ATRNL1: variants seen among roughly 807,000 people sequenced by gnomAD.
ATRNL1 encodes attractin like 1, also known as attractin-like protein 1.
In ATRNL1, 95 loss-of-function variants were observed where a neutral mutation model predicts 182.7. The ratio of observed to expected loss-of-function variants is 0.52; its 90% CI spans 0.44 to 0.62. The LOEUF is 0.62. Among genes scored for constraint, ATRNL1 ranks in the 20% least tolerant of loss-of-function variants. The pLI is 0.00. For synonymous variants in ATRNL1, 576 were observed against 568.3 expected, an observed-to-expected ratio of 1.01 and a Z score of -0.19; for missense variants, 1,471 against 1,679.5, an observed-to-expected ratio of 0.88 and a Z score of 2.17.
intron 27 of ATRNL1, among the ~76,000 whole-genome samples, chr10:115,837,379 C>T (rs1950699338): frequency 6.6e-6 from 1 of 151,120 alleles, no homozygotes; most frequent in Admixed American, 6.6e-5. Flanking sequence ...CTCATTTTTC[C>T]CTCTTACCTG....
chr10:115,667,770 C>T (rs1286114987), intron 26 of ATRNL1, among the ~76,000 whole-genome samples: 1 of 151,896 alleles, frequency 6.6e-6, no homozygotes, highest in Non-Finnish European at 1.5e-5. Context: ...GATCCTCCTA[C>T]CTTAGCCTCC....
intron 27 of ATRNL1, among the ~76,000 whole-genome samples, chr10:115,781,455 A>G (rs2420114): frequency 0.17 from 26,183 of 152,250 alleles, 2,479 homozygotes; most frequent in Non-Finnish European, 0.21. Flanking sequence ...GATTAAGATA[A>G]ATACATTTTA....
At chr10:115,317,590 C>G (rs1242544861) in intron 18 of ATRNL1, among the ~76,000 whole-genome samples, 1 of 152,078 alleles carries the variant, frequency 6.6e-6, no homozygotes, top group African/African-American at 2.4e-5. Flanking sequence ...CTTTGTAGTT[C>G]TCCTTGAAGA....
intron 21 of ATRNL1, among the ~76,000 whole-genome samples, chr10:115,460,059 G>C (rs1396876123): frequency 6.6e-6 from 1 of 151,958 alleles, no homozygotes; most frequent in Non-Finnish European, 1.5e-5. Flanking sequence ...CTAAATTCTG[G>C]GTTTCTTTTT....
intron 19 of ATRNL1, among the ~76,000 whole-genome samples, chr10:115,388,394 T>A (rs1407448606): frequency 1.3e-5 from 2 of 152,186 alleles, no homozygotes; most frequent in Admixed American, 6.5e-5. Flanking sequence ...CTTTGTCATA[T>A]TTAATGCTTT....
chr10:115,747,773 T>G (rs1191405010), intron 27 of ATRNL1, among the ~76,000 whole-genome samples: 2 of 152,040 alleles, frequency 1.3e-5, no homozygotes, highest in Non-Finnish European at 2.9e-5. Context: ...AGAAATTTAT[T>G]TCTTACAATT....
intron 19 of ATRNL1, 26 bp downstream of exon 19, chr10:115,334,445 G>A (rs782735221): frequency 2.0e-6 from 3 of 1,495,602 alleles, no homozygotes; most frequent in Admixed American, 4.0e-5. Context: ...GCAAATTTTG[G>A]TGTATTTTTA....
chr10:115,149,988 G>A (rs1458538526), intron 5 of ATRNL1, among the ~76,000 whole-genome samples: 2 of 151,512 alleles, frequency 1.3e-5, no homozygotes, highest in African/African-American at 4.8e-5. Flanking sequence ...CCTTTGTTGG[G>A]AGACTTTTTA....
At chr10:115,824,849 G>C (rs1459732132) in intron 27 of ATRNL1, among the ~76,000 whole-genome samples, 2 of 152,120 alleles carry the variant, frequency 1.3e-5, no homozygotes, top group African/African-American at 4.8e-5. Context: ...AGACAGTGTG[G>C]TGATTCCTCA....
chr10:115,808,655 A>G (rs1555086196), intron 27 of ATRNL1, among the ~76,000 whole-genome samples: 1 of 152,160 alleles, frequency 6.6e-6, no homozygotes, highest in Non-Finnish European at 1.5e-5. Context: ...GCAATGTGCA[A>G]AATTTTCAGT....
At chr10:115,732,825 G>C (rs1394316876) in intron 27 of ATRNL1, among the ~76,000 whole-genome samples, 2 of 152,084 alleles carry the variant, frequency 1.3e-5, no homozygotes, top group Non-Finnish European at 2.9e-5. Flanking sequence ...AAGGAATAGA[G>C]TTACTTAAAG....
At chr10:115,489,636 G>C (rs1199798168) in intron 24 of ATRNL1, among the ~76,000 whole-genome samples, 1 of 152,042 alleles carries the variant, frequency 6.6e-6, no homozygotes, top group Admixed American at 6.6e-5. Flanking sequence ...ACATGAGATG[G>C]GTCTCCTGAA....
intron 26 of ATRNL1, among the ~76,000 whole-genome samples, chr10:115,646,068 C>CACAA (rs1354940128): frequency 6.6e-6 from 1 of 150,874 alleles, no homozygotes; most frequent in African/African-American, 2.5e-5. Context: ...CACACACACA[C>CACAA]AAACATATAT....
intron 28 of ATRNL1, among the ~76,000 whole-genome samples, chr10:115,857,637 A>G (rs1951218071): frequency 6.6e-6 from 1 of 152,248 alleles, no homozygotes; most frequent in Non-Finnish European, 1.5e-5. Flanking sequence ...ACTTTTAAAT[A>G]TATCTTTCCG....
chr10:115,409,386 G>A (rs577649591), intron 20 of ATRNL1, among the ~76,000 whole-genome samples: 26 of 152,164 alleles, frequency 1.7e-4, no homozygotes, highest in Non-Finnish European at 3.5e-4. Flanking sequence ...ATATTGAAAT[G>A]CTACTGATTT....
chr10:115,198,873 C>T (rs1592245608), intron 8 of ATRNL1, among the ~76,000 whole-genome samples: 1 of 151,956 alleles, frequency 6.6e-6, no homozygotes, highest in East Asian at 1.9e-4. Flanking sequence ...GTGTTAGTAC[C>T]ATGCCTGTAC....
intron 26 of ATRNL1, among the ~76,000 whole-genome samples, chr10:115,591,151 A>G (rs1555012092): frequency 6.6e-6 from 1 of 152,248 alleles, no homozygotes; most frequent in African/African-American, 2.4e-5. Flanking sequence ...GTGAGTACAC[A>G]TACACAAAAA....
intron 24 of ATRNL1, among the ~76,000 whole-genome samples, chr10:115,517,039 A>G (rs1018849789): frequency 6.6e-6 from 1 of 152,002 alleles, no homozygotes. Flanking sequence ...ACAATGGTGT[A>G]GAACAGAGCT....
At chr10:115,861,058 CTG>C (rs1469463487) in intron 28 of ATRNL1, among the ~76,000 whole-genome samples, 1 of 152,138 alleles carries the variant, frequency 6.6e-6, no homozygotes, top group Non-Finnish European at 1.5e-5. Context: ...CAAAGGGACT[CTG>C]TATTTCTGTT....
Sources: allele counts gnomAD v4.1 joint callset (sites outside exome capture counted in the v4.1 genomes callset), GRCh38; gene constraint gnomAD v4.1.1; transcripts MANE v1.5; gene names NCBI Gene and HGNC (gene_info 2026-07-23, HGNC 2026-07-21).